ARL13B: variants seen among roughly 807,000 people sequenced by gnomAD.
ARL13B encodes ARF like GTPase 13B.
A neutral mutation model predicts 56.1 loss-of-function variants in ARL13B; 36 were observed. The observed-to-expected ratio is 0.64, with a 90% CI of 0.49 to 0.85. The LOEUF (loss-of-function observed/expected upper bound fraction) is 0.85, where lower values mean the gene tolerates loss of function less well. Ranked by LOEUF, ARL13B falls within the 40% of genes least tolerant of loss-of-function variation. The pLI is 0.00. For synonymous variants in ARL13B, 178 were observed against 171.1 expected (o/e 1.04, Z -0.32); for missense variants, 519 against 507.1 (o/e 1.02, Z -0.23).
intron 3 of ARL13B, among the ~76,000 whole-genome samples, chr3:94,012,204 A>G (rs1193921739): frequency 6.6e-6 from 1 of 152,064 alleles, no homozygotes; most frequent in Non-Finnish European, 1.5e-5. Flanking sequence ...CATAGCATTT[A>G]TTTACTAAAA....
chr3:94,000,827 C>T (rs544785749), intron 2 of ARL13B, among the ~76,000 whole-genome samples: 114 of 152,176 alleles, frequency 7.5e-4, no homozygotes, highest in African/African-American at 2.7e-3. Flanking sequence ...CACATATACT[C>T]TACTGAAATT....
intron 3 of ARL13B, among the ~76,000 whole-genome samples, chr3:94,029,029 G>A (rs866232774): frequency 2.2e-4 from 33 of 151,440 alleles, no homozygotes; most frequent in Middle Eastern, 6.8e-3. Flanking sequence ...TTCATCCCAC[G>A]TTACTTTTAA....
rs554412091 is a variant in ARL13B at position 93,994,483 on chromosome 3, C to T, written c.60-1391C>T. Among the ~76,000 whole-genome samples, 32 of 140,770 alleles carry T rather than the reference C, an allele frequency of 2.3e-4. 1 individual carries two copies. In the South Asian group the frequency reaches 6.7e-3, roughly 30 times the overall value. 92.4% of individuals were successfully genotyped at this position (140,770 alleles called of 152,430 possible). A position where few individuals can be genotyped will look rare whatever the true frequency, so the allele number is the denominator to read the frequency against. On this transcript the variant is annotated intron_variant, in intron 1 of 9. Coordinates refer to ENST00000394222, the MANE Select transcript of ARL13B (RefSeq NM_001174150.2). ...ACCTTATAATGTACTATAAAATTTA[C>T]ATAATAATTTATCGTATTATTAGTG...
intron 3 of ARL13B, among the ~76,000 whole-genome samples, chr3:94,008,840 C>T (rs1337531361): frequency 6.6e-6 from 1 of 152,082 alleles, no homozygotes; most frequent in Non-Finnish European, 1.5e-5. Context: ...CCACTTTTCT[C>T]ATTACACACT....
chr3:94,044,901 G>A (rs530712088), intron 7 of ARL13B, among the ~76,000 whole-genome samples: 123 of 152,120 alleles, frequency 8.1e-4, no homozygotes, highest in African/African-American at 2.7e-3. Context: ...GGTGAGGAGC[G>A]CCTCTGCCCG....
intron 3 of ARL13B, among the ~76,000 whole-genome samples, chr3:94,013,130 G>A (rs1383681733): frequency 6.6e-6 from 1 of 152,030 alleles, no homozygotes. Flanking sequence ...CAGGGTCTTT[G>A]TACTATTTGT....
In ARL13B at chr3:94,008,556, C is replaced by T. The variant is rs1405716548; in HGVS notation, c.380+4648C>T. Reference sequence around the variant, plus strand: ...ATTACCTGAGGAATAAACTGAGCTGCGAGGTATTTTAAACAGCTTAATCTG... The same window carrying T: ...ATTACCTGAGGAATAAACTGAGCTGTGAGGTATTTTAAACAGCTTAATCTG... On this transcript the variant is annotated intron_variant, in intron 3 of 9. Transcript: ENST00000394222. Among the ~76,000 whole-genome samples, 4 of 152,174 alleles carry T rather than the reference C, an allele frequency of 2.6e-5. No individual in the cohort carries two copies. The South Asian group carries it at 8.3e-4, about 32-fold the overall frequency.
Position 94,054,156 on chromosome 3 carries a change from T to C in ARL13B, c.*893T>C, listed in dbSNP as rs952522444. 1 of 453,196 alleles carries C rather than the reference T, an allele frequency of 2.2e-6. No homozygotes were observed. The highest frequency in any genetic ancestry group is 4.4e-6 in the Non-Finnish European group (1 of 226,274). The allele number at this position is 453,196 out of a possible 1,614,324, so 28.1% of individuals were successfully genotyped here. Reference sequence around the variant, plus strand: ...TCCCTTGTTCCATCAGAAGCTGCAGTGACTCTTTTAGGTGATTCTAATTCT... The same window carrying C: ...TCCCTTGTTCCATCAGAAGCTGCAGCGACTCTTTTAGGTGATTCTAATTCT... On this transcript the variant is annotated 3_prime_UTR_variant, in exon 10 of 10. Coordinates refer to ENST00000394222, the MANE Select transcript of ARL13B (RefSeq NM_001174150.2).
At chr3:94,044,618 G>T (rs181544780) in intron 7 of ARL13B, among the ~76,000 whole-genome samples, 1 of 138,876 alleles carries the variant, frequency 7.2e-6, no homozygotes, top group Non-Finnish European at 1.5e-5. Context: ...CCGCCACCCT[G>T]TCTGGGAAGT....
chr3:93,980,559 C>T, intron 1 of ARL13B, 77 bp downstream of exon 1: 1 of 1,572,522 alleles, frequency 6.4e-7, no homozygotes. Context: ...GCCGCCTTTT[C>T]CCCGCGCCTG....
intron 7 of ARL13B, among the ~76,000 whole-genome samples, chr3:94,045,447 T>TAAAAAAAAAAAAAA (rs1047984463): frequency 1.4e-5 from 1 of 73,590 alleles, no homozygotes; most frequent in African/African-American, 5.2e-5. Context: ...CAATAAATAC[T>TAAAAAAAAAAAAAA]AAAAAAAAAA....
chr3:94,047,329 A>G (rs2076998949), intron 7 of ARL13B, among the ~76,000 whole-genome samples: 1 of 152,186 alleles, frequency 6.6e-6, no homozygotes, highest in African/African-American at 2.4e-5. Flanking sequence ...GGGCAGTCAT[A>G]TATTACCCAT....
chr3:94,022,184 T>C (rs2076462835), intron 3 of ARL13B, among the ~76,000 whole-genome samples: 1 of 152,068 alleles, frequency 6.6e-6, no homozygotes, highest in Admixed American at 6.6e-5. Context: ...AGTGCAATGG[T>C]GTGATCTCAG....
chr3:94,045,561 T>C lies in ARL13B; in HGVS notation c.1024+2321T>C, dbSNP rs529882837. Among the ~76,000 whole-genome samples the C allele has an allele frequency of 7.3e-5, 11 of 151,592 alleles. No individual in the cohort carries two copies. The East Asian group carries it at 1.2e-3, about 16-fold the overall frequency. ...ATCCCAGCATGAGTCTTTGTAGATA[T>C]AGGCAAGTTCATTATAAAATATATG... On this transcript the variant is annotated intron_variant, in intron 7 of 9. Coordinates refer to ENST00000394222, the MANE Select transcript of ARL13B (RefSeq NM_001174150.2).
At chr3:94,035,967 G>T (rs1022381486) in intron 4 of ARL13B, among the ~76,000 whole-genome samples, 5 of 152,074 alleles carry the variant, frequency 3.3e-5, no homozygotes, top group African/African-American at 1.2e-4. Flanking sequence ...AGCTGCTTGA[G>T]GGGGCTGAGG....
chr3:94,051,733 G>GA (rs2107202254), intron 9 of ARL13B, among the ~76,000 whole-genome samples: 1 of 152,024 alleles, frequency 6.6e-6, no homozygotes, highest in South Asian at 2.1e-4. Flanking sequence ...CACTTACTAG[G>GA]AAAAAACTCA....
intron 9 of ARL13B, 134 bp downstream of exon 9, chr3:94,051,026 A>G: frequency 1.4e-6 from 1 of 734,924 alleles, no homozygotes; most frequent in Non-Finnish European, 2.2e-6. Context: ...TTTTCATTAT[A>G]CGTCTTTTTT....
chr3:94,019,166 C>T (rs1459272308), intron 3 of ARL13B, among the ~76,000 whole-genome samples: 1 of 152,064 alleles, frequency 6.6e-6, no homozygotes, highest in African/African-American at 2.4e-5. Flanking sequence ...CCACCTCTTA[C>T]CATCTCCCTG....
chr3:94,019,056 G>A lies in ARL13B; in HGVS notation c.380+15148G>A, dbSNP rs141486477. 5.3e-5 allele frequency among the ~76,000 whole-genome samples: 8 copies of A among 151,772 alleles called. No individual in the cohort carries two copies. The East Asian group carries it at 9.7e-4, about 18-fold the overall frequency. On this transcript the variant is annotated intron_variant, in intron 3 of 9. Coordinates refer to ENST00000394222, the MANE Select transcript of ARL13B (RefSeq NM_001174150.2). ...GCTGGGATTACAGCTGTGAGCCACC[G>A]CGCCTGGCTGGAAGTCATTCTTGAC...
Sources: allele counts gnomAD v4.1 joint callset (sites outside exome capture counted in the v4.1 genomes callset), GRCh38; gene constraint gnomAD v4.1.1; transcripts MANE v1.5; gene names NCBI Gene and HGNC (gene_info 2026-07-23, HGNC 2026-07-21).